CFAP299: variants seen among roughly 807,000 people sequenced by gnomAD.
CFAP299 encodes the protein cilia and flagella associated protein 299.
A neutral mutation model predicts 27.0 loss-of-function variants in CFAP299; 21 were observed. The ratio of observed to expected loss-of-function variants is 0.78; its 90% CI spans 0.55 to 1.12. The LOEUF is 1.12. Among genes scored for constraint, CFAP299 ranks in the 50% most tolerant of loss-of-function variants. CFAP299 has a pLI of 0.00. For synonymous variants in CFAP299, 104 were observed against 98.1 expected, an observed-to-expected ratio of 1.06 and a Z score of -0.36; for missense variants, 310 against 276.6, an observed-to-expected ratio of 1.12 and a Z score of -0.86.
chr4:80,614,807 T>C (rs1242448617), intron 3 of CFAP299, among the ~76,000 whole-genome samples: 2 of 152,262 alleles, frequency 1.3e-5, no homozygotes, highest in African/African-American at 4.8e-5. Flanking sequence ...ACATGTTGTT[T>C]AAATGTTGTT....
At chr4:80,766,292 T>C (rs540791604) in intron 3 of CFAP299, among the ~76,000 whole-genome samples, 2 of 152,220 alleles carry the variant, frequency 1.3e-5, no homozygotes, top group African/African-American at 4.8e-5. Flanking sequence ...ATAGAGACAA[T>C]ACATTTTACA....
At chr4:80,572,258 A>G (rs571362971) in intron 2 of CFAP299, among the ~76,000 whole-genome samples, 1 of 152,148 alleles carries the variant, frequency 6.6e-6, no homozygotes, top group East Asian at 1.9e-4. Context: ...TGTGCTATCA[A>G]ATACTACATC....
the CFAP299 span, among the ~76,000 whole-genome samples, chr4:80,321,512 C>A: frequency 1.3e-5 from 2 of 152,114 alleles, no homozygotes; most frequent in African/African-American, 4.8e-5. Flanking sequence ...GGCCACATGT[C>A]CCCCCGCCCA....
intron 1 of CFAP299, among the ~76,000 whole-genome samples, chr4:80,344,550 C>G (rs141148920): frequency 6.6e-5 from 10 of 152,192 alleles, no homozygotes; most frequent in African/African-American, 2.4e-4. Context: ...TGTATTTACA[C>G]CTGAATTCTA....
chr4:80,919,696 G>T (rs955852571), intron 4 of CFAP299, among the ~76,000 whole-genome samples: 1 of 151,986 alleles, frequency 6.6e-6, no homozygotes, highest in African/African-American at 2.4e-5. Context: ...TAGACTCAGG[G>T]CATCAAATTT....
intron 4 of CFAP299, among the ~76,000 whole-genome samples, chr4:80,932,297 A>T (rs1476799405): frequency 1.3e-5 from 2 of 152,132 alleles, no homozygotes; most frequent in Non-Finnish European, 2.9e-5. Context: ...TATTTTCCTA[A>T]ATGGCATATC....
At position 80,776,874 on chromosome 4, in the gene CFAP299, T is replaced by TA. The variant is rs1244795792; in HGVS notation, c.334-93105dup. On this transcript the variant is annotated intron_variant, in intron 3 of 5. Coordinates refer to ENST00000358105, the MANE Select transcript of CFAP299 (RefSeq NM_152770.3). ...AATAACAATTTCTACCTCTCTAACC[T>TA]AAAAAAAAAAAAAACCCTCTGGGAC... Among the ~76,000 whole-genome samples, 437 of 132,744 alleles carry TA rather than the reference T, an allele frequency of 3.3e-3. 1 individual carries two copies. The highest frequency in any genetic ancestry group is 9.4e-3 in the South Asian group (39 of 4,142). The allele number at this position is 132,744 out of a possible 152,430, so 87.1% of individuals were successfully genotyped here.
chr4:80,860,265 C>T (rs1265470864), intron 3 of CFAP299, among the ~76,000 whole-genome samples: 1 of 152,224 alleles, frequency 6.6e-6, no homozygotes, highest in Non-Finnish European at 1.5e-5. Flanking sequence ...GCTCCACCAG[C>T]TCCTTTAAGC....
At chr4:80,624,245 T>C (rs1171390740) in intron 3 of CFAP299, among the ~76,000 whole-genome samples, 2 of 150,234 alleles carry the variant, frequency 1.3e-5, no homozygotes, top group Non-Finnish European at 3.0e-5. Context: ...AAGAAACAAA[T>C]CAACAAAATG....
chr4:80,738,360 C>T (rs547559616), intron 3 of CFAP299, among the ~76,000 whole-genome samples: 2 of 152,204 alleles, frequency 1.3e-5, no homozygotes, highest in Admixed American at 6.5e-5. Flanking sequence ...TTATTTGGGT[C>T]TGTGTCTCTC....
intron 3 of CFAP299, among the ~76,000 whole-genome samples, chr4:80,725,790 G>A (rs13140222): frequency 0.11 from 16,621 of 152,102 alleles, 1,097 homozygotes; most frequent in Middle Eastern, 0.2. Context: ...TCTGATCCTC[G>A]TGCTTGACTG....
intron 3 of CFAP299, among the ~76,000 whole-genome samples, chr4:80,694,488 A>C (rs1017085567): frequency 6.6e-6 from 1 of 152,236 alleles, no homozygotes; most frequent in African/African-American, 2.4e-5. Flanking sequence ...GTTTCAAAGA[A>C]GATGACTTAA....
chr4:80,831,426 G>T (rs1730295169), intron 3 of CFAP299, among the ~76,000 whole-genome samples: 1 of 152,086 alleles, frequency 6.6e-6, no homozygotes, highest in East Asian at 1.9e-4. Context: ...GATATGTGGA[G>T]AAGTATCTAT....
At chr4:80,898,126 C>G (rs2110192525) in intron 4 of CFAP299, among the ~76,000 whole-genome samples, 1 of 152,268 alleles carries the variant, frequency 6.6e-6, no homozygotes, top group South Asian at 2.1e-4. Flanking sequence ...TAAGTGTTAA[C>G]AGCTCAGTGG....
At chr4:80,493,258 G>T (rs1174864057) in intron 2 of CFAP299, among the ~76,000 whole-genome samples, 1 of 152,126 alleles carries the variant, frequency 6.6e-6, no homozygotes, top group Admixed American at 6.5e-5. Flanking sequence ...TATCAGCAAG[G>T]CAAGGTACTT....
At chr4:80,478,244 A>G (rs1730378011) in intron 2 of CFAP299, among the ~76,000 whole-genome samples, 4 of 152,160 alleles carry the variant, frequency 2.6e-5, no homozygotes, top group Non-Finnish European at 5.9e-5. Flanking sequence ...ACTATTTTCC[A>G]TTTAGAAACA....
intron 3 of CFAP299, among the ~76,000 whole-genome samples, chr4:80,865,157 T>C (rs1447824597): frequency 6.6e-6 from 1 of 152,200 alleles, no homozygotes; most frequent in Non-Finnish European, 1.5e-5. Context: ...TATCTAGCCA[T>C]AATAAAATGT....
intron 2 of CFAP299, among the ~76,000 whole-genome samples, chr4:80,506,244 T>G (rs1279921853): frequency 6.6e-6 from 1 of 152,034 alleles, no homozygotes; most frequent in Admixed American, 6.6e-5. Flanking sequence ...TTTTAAAAAG[T>G]TTTGGTTATA....
intron 4 of CFAP299, among the ~76,000 whole-genome samples, chr4:80,931,249 C>T (rs966216146): frequency 6.6e-6 from 1 of 151,942 alleles, no homozygotes; most frequent in Non-Finnish European, 1.5e-5. Flanking sequence ...AGCTGTGTGA[C>T]CTCTAAGCAA....
Sources: gnomAD v4.1 joint callset for allele counts (sites outside exome capture counted in the v4.1 genomes callset) on GRCh38, gnomAD v4.1.1 for gene constraint, MANE v1.5 for transcripts, NCBI Gene and HGNC (gene_info 2026-07-23, HGNC 2026-07-21) for gene names.